Variants in TP63 observed in about 807,000 individuals in gnomAD.
TP63 encodes tumor protein 63.
A neutral mutation model predicts 82.8 loss-of-function variants in TP63; 17 were observed. The observed-to-expected ratio is 0.21, with a 90% CI of 0.14 to 0.31. The LOEUF (loss-of-function observed/expected upper bound fraction) is 0.31, where lower values mean the gene tolerates loss of function less well. TP63 is among the 10% of genes least tolerant of loss of function. The pLI, the probability that TP63 is intolerant of heterozygous loss-of-function variation, is 1.00. For synonymous variants in TP63, 330 were observed against 321.7 expected (o/e 1.03, Z -0.28); for missense variants, 648 against 895.3 (o/e 0.72, Z 3.52).
At chr3:189,718,770 A>G (rs1488789534) in intron 1 of TP63, among the ~76,000 whole-genome samples, 1 of 152,124 alleles carries the variant, frequency 6.6e-6, no homozygotes, top group African/African-American at 2.4e-5. Flanking sequence ...CCTTGGGGGT[A>G]GAGAACCTAT....
chr3:189,722,987 A>G (rs951322293), intron 1 of TP63, among the ~76,000 whole-genome samples: 1 of 152,192 alleles, frequency 6.6e-6, no homozygotes, highest in African/African-American at 2.4e-5. Context: ...CAGTTTGTTT[A>G]AAGTGCAGAT....
chr3:189,744,658 G>A (rs1721238131), intron 3 of TP63, among the ~76,000 whole-genome samples: 1 of 152,240 alleles, frequency 6.6e-6, no homozygotes, highest in South Asian at 2.1e-4. Context: ...CAATACCAGT[G>A]TGGAACATTT....
intron 4 of TP63, among the ~76,000 whole-genome samples, chr3:189,851,595 A>C (rs1012084603): frequency 6.6e-6 from 1 of 152,054 alleles, no homozygotes; most frequent in Non-Finnish European, 1.5e-5. Context: ...AAATAAAATA[A>C]AATGTGTTAG....
intron 4 of TP63, among the ~76,000 whole-genome samples, chr3:189,829,437 A>G (rs113852212): frequency 2.0e-5 from 3 of 152,312 alleles, no homozygotes; most frequent in East Asian, 1.9e-4. Flanking sequence ...TACTTTCCCT[A>G]TATGTCTACT....
intron 4 of TP63, among the ~76,000 whole-genome samples, chr3:189,819,442 C>G (rs1392783465): frequency 5.9e-5 from 9 of 152,064 alleles, no homozygotes; most frequent in Non-Finnish European, 1.3e-4. Context: ...TATCCCTCCC[C>G]CCTTCCCTCA....
At chr3:189,862,420 T>C (rs2108791668) in intron 4 of TP63, among the ~76,000 whole-genome samples, 1 of 152,288 alleles carries the variant, frequency 6.6e-6, no homozygotes, top group Middle Eastern at 3.4e-3. Flanking sequence ...GCTTTTATAC[T>C]GTACTCTCTC....
chr3:189,682,511 C>T, intron 1 of TP63, among the ~76,000 whole-genome samples: 1 of 135,968 alleles, frequency 7.4e-6, no homozygotes, highest in Non-Finnish European at 1.5e-5. Flanking sequence ...CCAGCAGTTT[C>T]ATTCCTGGGA....
At chr3:189,795,838 A>T (rs1377301382) in intron 3 of TP63, among the ~76,000 whole-genome samples, 1 of 151,972 alleles carries the variant, frequency 6.6e-6, no homozygotes, top group Admixed American at 6.6e-5. Context: ...AGGAAAAGAA[A>T]ATTAGCCCGA....
intron 1 of TP63, among the ~76,000 whole-genome samples, chr3:189,713,055 C>A (rs1718707813): frequency 1.3e-5 from 2 of 152,148 alleles, no homozygotes; most frequent in South Asian, 4.1e-4. Context: ...TCCCAGACCA[C>A]CACAGCACAG....
At chr3:189,680,119 C>T (rs1467747780) in intron 1 of TP63, among the ~76,000 whole-genome samples, 1 of 151,762 alleles carries the variant, frequency 6.6e-6, no homozygotes, top group Non-Finnish European at 1.5e-5. Flanking sequence ...TTTTTTTTCT[C>T]TATGTCACTG....
At chr3:189,600,918 A>G in the TP63 span, among the ~76,000 whole-genome samples, 2 of 152,252 alleles carry the variant, frequency 1.3e-5, no homozygotes, top group Non-Finnish European at 2.9e-5. Flanking sequence ...TAAAGAGCAT[A>G]CATACCATCT....
chr3:189,674,757 T>TGGGAC lies in TP63; in HGVS notation c.62+43181_62+43185dup, dbSNP rs552119509. ...ATATACACATAAAATGAGCTTTAGA[T>TGGGAC]GGGACTCTATCAATGTGTGGCAGAT... On this transcript the variant is annotated intron_variant, in intron 1 of 13. Coordinates refer to ENST00000264731, the MANE Select transcript of TP63 (RefSeq NM_003722.5). 2.4e-4 allele frequency among the ~76,000 whole-genome samples: 36 copies of TGGGAC among 152,156 alleles called. No individual in the cohort carries two copies. In the South Asian group the frequency reaches 7.1e-3, roughly 30 times the overall value.
chr3:189,716,686 G>A (rs1243566830), intron 1 of TP63, among the ~76,000 whole-genome samples: 1 of 152,096 alleles, frequency 6.6e-6, no homozygotes, highest in African/African-American at 2.4e-5. Flanking sequence ...CAGTTCCTCA[G>A]TTGCATTCTT....
chr3:189,786,075 G>C (rs942554531), intron 3 of TP63, among the ~76,000 whole-genome samples: 2 of 151,826 alleles, frequency 1.3e-5, no homozygotes, highest in Non-Finnish European at 2.9e-5. Flanking sequence ...TTCACATAGG[G>C]ATGTCAAATG....
chr3:189,863,034 G>A (rs1287184964), intron 4 of TP63, among the ~76,000 whole-genome samples: 2 of 152,208 alleles, frequency 1.3e-5, no homozygotes, highest in African/African-American at 2.4e-5. Context: ...CATTTTAAAT[G>A]TGTGATTTTT....
At chr3:189,715,621 G>T (rs1383955884) in intron 1 of TP63, among the ~76,000 whole-genome samples, 1 of 152,160 alleles carries the variant, frequency 6.6e-6, no homozygotes, top group Non-Finnish European at 1.5e-5. Flanking sequence ...CGTCTCTCTG[G>T]TGGTTTGGGA....
At chr3:189,761,913 T>A (rs953541889) in intron 3 of TP63, among the ~76,000 whole-genome samples, 6 of 152,148 alleles carry the variant, frequency 3.9e-5, no homozygotes, top group African/African-American at 1.4e-4. Context: ...CCCCCGTTTT[T>A]AAAACCATCA....
chr3:189,721,766 G>C (rs1719413218), intron 1 of TP63, among the ~76,000 whole-genome samples: 2 of 152,170 alleles, frequency 1.3e-5, no homozygotes, highest in African/African-American at 2.4e-5. Context: ...CTTAAGTCTA[G>C]ACAGCAATGG....
rs527907015 is a variant in TP63 at position 189,882,682 on chromosome 3, G to A, written c.1350-3712G>A. 5.3e-5 allele frequency among the ~76,000 whole-genome samples: 8 copies of A among 152,240 alleles called. No individual in the cohort carries two copies. The South Asian group carries it at 1.7e-3, about 32-fold the overall frequency. ...TAGTGGAATTCTAGACATCTAGGAGGTAGATAGTGTAACTTGTGTCTGCGC... is the reference window on the plus strand; with the variant it reads ...TAGTGGAATTCTAGACATCTAGGAGATAGATAGTGTAACTTGTGTCTGCGC... On this transcript the variant is annotated intron_variant, in intron 10 of 13. Coordinates refer to ENST00000264731, the MANE Select transcript of TP63 (RefSeq NM_003722.5).
Sources: allele counts gnomAD v4.1 joint callset (sites outside exome capture counted in the v4.1 genomes callset), GRCh38; gene constraint gnomAD v4.1.1; transcripts MANE v1.5; gene names NCBI Gene and HGNC (gene_info 2026-07-23, HGNC 2026-07-21).